GNA13: variants seen among roughly 807,000 people sequenced by gnomAD.
The protein encoded by GNA13 is G protein subunit alpha 13.
A neutral mutation model predicts 33.5 loss-of-function variants in GNA13; 4 were observed. The ratio of observed to expected loss-of-function variants is 0.12; its 90% CI spans 0.06 to 0.27. GNA13 has a LOEUF of 0.27. Ranked by LOEUF, GNA13 falls within the 10% of genes least tolerant of loss-of-function variation. GNA13 has a pLI of 1.00. For missense variants in GNA13, 319 were observed against 487.2 expected, an observed-to-expected ratio of 0.65 and a Z score of 3.25; for synonymous variants, 176 against 183.8, an observed-to-expected ratio of 0.96 and a Z score of 0.34.
intron 2 of GNA13, among the ~76,000 whole-genome samples, chr17:65,043,181 TATCCCACAG>T (rs1358617524): frequency 6.6e-6 from 1 of 152,218 alleles, no homozygotes; most frequent in Non-Finnish European, 1.5e-5. Context: ...TACTCCACTT[TATCCCACAG>T]CATGGCACAA....
intron 2 of GNA13, among the ~76,000 whole-genome samples, chr17:65,021,765 T>A (rs893497101): frequency 6.6e-6 from 1 of 152,268 alleles, no homozygotes; most frequent in Non-Finnish European, 1.5e-5. Flanking sequence ...TAGAGTTTTT[T>A]AATTCAAAGT....
chr17:65,024,076 A>T (rs1012815619), intron 2 of GNA13, among the ~76,000 whole-genome samples: 3 of 152,156 alleles, frequency 2.0e-5, no homozygotes, highest in African/African-American at 4.8e-5. Flanking sequence ...CAACATACTG[A>T]GACTCATCTC....
At chr17:65,020,945 C>T (rs975389411) in intron 2 of GNA13, among the ~76,000 whole-genome samples, 2 of 152,164 alleles carry the variant, frequency 1.3e-5, no homozygotes, top group African/African-American at 4.8e-5. Flanking sequence ...GCCACCATGA[C>T]CGGCCTGGAA....
chr17:65,053,429 T>A (rs538828625), intron 2 of GNA13, 73 bp downstream of exon 2: 1 of 926,176 alleles, frequency 1.1e-6, no homozygotes, highest in African/African-American at 1.6e-5. Context: ...ATTTTCGCAT[T>A]AGGGATGTGC....
rs1389984174 is a variant in GNA13 at position 65,011,675 on chromosome 17, C to T, written c.*2582G>A. ...TCAGATTTAAGAACAGAATGTAACA[C>T]AGGATTAGGCACATTTTATTCCAAA... is the stretch of plus-strand genomic sequence containing the variant. On this transcript the variant is annotated 3_prime_UTR_variant, in exon 4 of 4. Coordinates refer to ENST00000439174, the MANE Select transcript of GNA13 (RefSeq NM_006572.6). 1 of 225,932 alleles carries T rather than the reference C, an allele frequency of 4.4e-6. No homozygotes were observed. The highest frequency in any genetic ancestry group is 2.2e-5 in the African/African-American group (1 of 44,918). 14.0% of individuals were successfully genotyped at this position (225,932 alleles called of 1,614,324 possible).
intron 2 of GNA13, among the ~76,000 whole-genome samples, chr17:65,049,395 A>G (rs1415555378): frequency 1.3e-5 from 2 of 152,224 alleles, no homozygotes; most frequent in Non-Finnish European, 2.9e-5. Flanking sequence ...AGCTGGGATT[A>G]CAGGTATTTT....
intron 2 of GNA13, among the ~76,000 whole-genome samples, chr17:65,029,612 T>C (rs2143793238): frequency 2.5e-5 from 1 of 40,720 alleles, no homozygotes; most frequent in East Asian, 3.2e-3. Flanking sequence ...TCAATATCTT[T>C]TGCACTTACG....
At chr17:65,029,983 A>C (rs1252875765) in intron 2 of GNA13, among the ~76,000 whole-genome samples, 2 of 152,206 alleles carry the variant, frequency 1.3e-5, no homozygotes, top group Non-Finnish European at 2.9e-5. Context: ...CTTCAGTGGC[A>C]TAAAGTGCGT....
Position 65,018,117 on chromosome 17 carries a change from A to G in GNA13, c.561+136T>C, listed in dbSNP as rs1567817138. 466 of 187,406 alleles carry G rather than the reference A, an allele frequency of 2.5e-3. 17 individuals carry two copies. Among genetic ancestry groups the G allele is most frequent in the African/African-American group, 0.013 (401 of 31,130 alleles). The allele number at this position is 187,406 out of a possible 1,614,324, so 11.6% of individuals were successfully genotyped here. ...TAAAAAAAAAAAAAAAAAAAAAAAAAAAAAAAAAAAAAAAAAAAAAAAGAG... is the reference window on the plus strand; with the variant it reads ...TAAAAAAAAAAAAAAAAAAAAAAAAGAAAAAAAAAAAAAAAAAAAAAAGAG... On this transcript the variant is annotated intron_variant, in intron 3 of 3. Coordinates refer to ENST00000439174, the MANE Select transcript of GNA13 (RefSeq NM_006572.6).
chr17:65,053,850 TGAA>T, intron 1 of GNA13, 122 bp from the exon 2 acceptor site: 1 of 645,234 alleles, frequency 1.5e-6, no homozygotes, highest in East Asian at 2.6e-5. Flanking sequence ...TCTTCAAAAA[TGAA>T]GACCAACATC....
intron 3 of GNA13, among the ~76,000 whole-genome samples, 161 bp downstream of exon 3, chr17:65,018,092 T>TAAAAAAAAAAAAAAAAAAAA: frequency 4.7e-5 from 1 of 21,474 alleles, no homozygotes; most frequent in Admixed American, 5.4e-4. Flanking sequence ...ACGCCACCAC[T>TAAAAAAAAAAAAAAAAAAAA]AAAAAAAAAA....
In GNA13 at chr17:65,009,624, A is replaced by G. The variant is rs1473390022; in HGVS notation, c.*4633T>C. On this transcript the variant is annotated 3_prime_UTR_variant, in exon 4 of 4. Coordinates refer to ENST00000439174, the MANE Select transcript of GNA13 (RefSeq NM_006572.6). ...ATACGAGTCATGTTTTGTTAGGTAC[A>G]GTATCTACGGGGTTATTACAAAATA... 1.3e-5 allele frequency among the ~76,000 whole-genome samples: 2 copies of G among 152,244 alleles called. No individual in the cohort carries two copies. The highest frequency in any genetic ancestry group is 2.9e-5 in the Non-Finnish European group (2 of 68,040).
intron 3 of GNA13, among the ~76,000 whole-genome samples, chr17:65,015,970 C>T (rs1051440186): frequency 6.6e-6 from 1 of 152,144 alleles, no homozygotes; most frequent in Non-Finnish European, 1.5e-5. Flanking sequence ...GTCTATATAC[C>T]TGGGAGGGAG....
chr17:65,054,743 T>C (rs1160514481), intron 1 of GNA13, among the ~76,000 whole-genome samples: 1 of 152,234 alleles, frequency 6.6e-6, no homozygotes, highest in Non-Finnish European at 1.5e-5. Flanking sequence ...ACGAGGTGTT[T>C]ACCAGGCTCA....
intron 2 of GNA13, among the ~76,000 whole-genome samples, 169 bp from the exon 3 acceptor site, chr17:65,018,472 C>G (rs1190507762): frequency 6.6e-6 from 1 of 152,194 alleles, no homozygotes; most frequent in Admixed American, 6.5e-5. Flanking sequence ...TCTGCTCTGT[C>G]ACAGACTGCT....
intron 2 of GNA13, among the ~76,000 whole-genome samples, chr17:65,026,162 A>G: frequency 6.6e-6 from 1 of 151,726 alleles, no homozygotes; most frequent in East Asian, 1.9e-4. Context: ...TCTATATTTT[A>G]TACTCCCAAA....
At chr17:65,028,165 G>A (rs1906865612) in intron 2 of GNA13, among the ~76,000 whole-genome samples, 2 of 152,240 alleles carry the variant, frequency 1.3e-5, no homozygotes, top group African/African-American at 4.8e-5. Context: ...GGCGGAGCTT[G>A]CAGTGAGCTG....
intron 2 of GNA13, among the ~76,000 whole-genome samples, chr17:65,042,598 A>G (rs1226876949): frequency 2.6e-5 from 4 of 151,272 alleles, no homozygotes; most frequent in African/African-American, 9.7e-5. Flanking sequence ...TTAGCCGGGC[A>G]TGGTGGTGCG....
chr17:65,011,786 T>A lies in GNA13; in HGVS notation c.*2471A>T, dbSNP rs935539181. The stretch of plus-strand genomic sequence containing the variant: ...TTTTAGAGACTGGGGTAAGTTTGCA[T>A]AGTGAAATTATGAGCACCTTTTCAA... On this transcript the variant is annotated 3_prime_UTR_variant, in exon 4 of 4. Coordinates refer to ENST00000439174, the MANE Select transcript of GNA13 (RefSeq NM_006572.6). 5 of 228,490 alleles carry A rather than the reference T, an allele frequency of 2.2e-5. No homozygotes were observed. The highest frequency in any genetic ancestry group is 1.1e-4 in the Admixed American group (2 of 17,648). 14.2% of individuals were successfully genotyped at this position (228,490 alleles called of 1,614,324 possible).
Sources: allele counts gnomAD v4.1 joint callset (sites outside exome capture counted in the v4.1 genomes callset), GRCh38; gene constraint gnomAD v4.1.1; transcripts MANE v1.5; gene names NCBI Gene and HGNC (gene_info 2026-07-23, HGNC 2026-07-21).